GRIP1: variants seen among roughly 807,000 people sequenced by gnomAD.
GRIP1 encodes the protein glutamate receptor interacting protein 1.
A neutral mutation model predicts 129.9 loss-of-function variants in GRIP1; 45 were observed. The observed-to-expected ratio is 0.35, with a 90% CI of 0.27 to 0.44. The LOEUF is 0.44. GRIP1 is among the 20% of genes least tolerant of loss of function. The pLI is 1.00. For synonymous variants in GRIP1, 530 were observed against 520.8 expected, an observed-to-expected ratio of 1.02 and a Z score of -0.24; for missense variants, 1,196 against 1,396.8, an observed-to-expected ratio of 0.86 and a Z score of 2.29.
intron 1 of GRIP1, among the ~76,000 whole-genome samples, chr12:66,629,885 C>T (rs2030550323): frequency 6.6e-6 from 1 of 152,096 alleles, no homozygotes; most frequent in South Asian, 2.1e-4. Flanking sequence ...TTAAAAAGAC[C>T]CACAAGCCAG....
intron 1 of GRIP1, among the ~76,000 whole-genome samples, chr12:66,715,381 A>T (rs2035845493): frequency 6.6e-6 from 1 of 151,518 alleles, no homozygotes; most frequent in South Asian, 2.1e-4. Context: ...TTATTGGATG[A>T]ACAAATTCCT....
At chr12:66,843,581 C>A (rs900134508) in intron 1 of GRIP1, among the ~76,000 whole-genome samples, 4 of 152,000 alleles carry the variant, frequency 2.6e-5, no homozygotes, top group African/African-American at 4.8e-5. Flanking sequence ...CTACAGTAAT[C>A]AAAACAGTGC....
intron 13 of GRIP1, among the ~76,000 whole-genome samples, chr12:66,438,431 A>G (rs1342021475): frequency 2.0e-5 from 3 of 152,070 alleles, no homozygotes; most frequent in South Asian, 2.1e-4. Context: ...TGCAGTCTGA[A>G]GTTCCTGATC....
intron 20 of GRIP1, among the ~76,000 whole-genome samples, chr12:66,377,638 CTTTTT>C (rs3045282): frequency 2.4e-5 from 3 of 124,604 alleles, no homozygotes; most frequent in African/African-American, 9.4e-5. Context: ...CGCACCCGGC[CTTTTT>C]TTTTTTTTTT....
In GRIP1 at chr12:66,409,764, T is replaced by A. The variant is rs111458070; in HGVS notation, c.1839-3336A>T. Among the ~76,000 whole-genome samples the A allele has an allele frequency of 1.2e-4, 19 of 152,378 alleles. 1 individual carries two copies. Among genetic ancestry groups the A allele is most frequent in the African/African-American group, 4.3e-4 (18 of 41,594 alleles). ...TTTCATACAGAGAATTCTAAATTAC[T>A]GTTTTGAGTAAACAATAAAGTTTTG... is the stretch of plus-strand genomic sequence containing the variant. On this transcript the variant is annotated intron_variant, in intron 15 of 24. Transcript: ENST00000359742.
At chr12:67,002,688 T>C (rs1341936596) in intron 1 of GRIP1, among the ~76,000 whole-genome samples, 1 of 152,246 alleles carries the variant, frequency 6.6e-6, no homozygotes, top group Non-Finnish European at 1.5e-5. Flanking sequence ...AGTCATGCAA[T>C]CATTTCTAAG....
At chr12:66,350,749 C>A (rs1456627012) in intron 24 of GRIP1, among the ~76,000 whole-genome samples, 2 of 152,174 alleles carry the variant, frequency 1.3e-5, no homozygotes, top group African/African-American at 4.8e-5. Context: ...GCTGTCTTAT[C>A]TTACCTACCC....
intron 19 of GRIP1, among the ~76,000 whole-genome samples, chr12:66,388,750 A>G (rs1373827704): frequency 6.6e-6 from 1 of 152,188 alleles, no homozygotes; most frequent in Non-Finnish European, 1.5e-5. Flanking sequence ...AGGTTTCGTC[A>G]TTCCATTCTA....
intron 1 of GRIP1, among the ~76,000 whole-genome samples, chr12:66,873,320 T>C (rs2040328200): frequency 6.6e-6 from 1 of 152,084 alleles, no homozygotes; most frequent in Non-Finnish European, 1.5e-5. Context: ...AAAGTCACAC[T>C]GTAGAAGAGC....
intron 1 of GRIP1, among the ~76,000 whole-genome samples, chr12:66,609,376 G>A (rs2064689684): frequency 1.3e-5 from 2 of 152,068 alleles, no homozygotes; most frequent in South Asian, 4.1e-4. Context: ...GCAGACACTT[G>A]ACATACTTTT....
At position 66,678,545 on chromosome 12, in the gene GRIP1, C is replaced by T. The variant is rs138156508; in HGVS notation, c.55+305G>A. Among the ~76,000 whole-genome samples the T allele has an allele frequency of 1.9e-4, 29 of 151,860 alleles. No individual in the cohort carries two copies. The South Asian group carries it at 3.5e-3, about 19-fold the overall frequency. ...GCCAGTTAATCAGCATGCAAAATGA[C>T]GGTTTCCCACAATAACTTCAGCACC... On this transcript the variant is annotated intron_variant, in intron 1 of 24. Transcript: ENST00000359742.
At chr12:67,060,401 AT>A (rs1345891959) in intron 1 of GRIP1, among the ~76,000 whole-genome samples, 1 of 152,184 alleles carries the variant, frequency 6.6e-6, no homozygotes, top group Admixed American at 6.5e-5. Context: ...CATATAACTG[AT>A]TTTGGGGGTA....
At chr12:66,885,732 C>A (rs1451580046) in intron 1 of GRIP1, among the ~76,000 whole-genome samples, 1 of 152,126 alleles carries the variant, frequency 6.6e-6, no homozygotes, top group Non-Finnish European at 1.5e-5. Context: ...CTCAAGTCTG[C>A]ATAATCACCA....
chr12:66,824,908 T>G (rs534451172), intron 1 of GRIP1, among the ~76,000 whole-genome samples: 16 of 152,324 alleles, frequency 1.1e-4, no homozygotes, highest in African/African-American at 3.8e-4. Context: ...TTTCATTAGC[T>G]TAGTCTAAAA....
chr12:66,576,415 C>A (rs371740538), intron 2 of GRIP1, among the ~76,000 whole-genome samples: 3 of 152,180 alleles, frequency 2.0e-5, no homozygotes, highest in Admixed American at 6.5e-5. Flanking sequence ...AAATTTGAAG[C>A]TAATTCATTG....
chr12:66,522,638 C>G (rs918731299), intron 5 of GRIP1, among the ~76,000 whole-genome samples: 4 of 152,196 alleles, frequency 2.6e-5, no homozygotes, highest in Non-Finnish European at 5.9e-5. Context: ...CTCTCCTCTT[C>G]CAAAGGAACG....
intron 1 of GRIP1, among the ~76,000 whole-genome samples, chr12:66,989,443 TTC>T (rs2042362503): frequency 6.6e-6 from 1 of 152,144 alleles, no homozygotes; most frequent in Non-Finnish European, 1.5e-5. Flanking sequence ...GGCTGTACAA[TTC>T]TTCCCTAAGC....
chr12:66,501,822 G>A (rs1259649536), intron 7 of GRIP1, among the ~76,000 whole-genome samples: 2 of 152,138 alleles, frequency 1.3e-5, no homozygotes, highest in Admixed American at 6.5e-5. Context: ...CATTAATTTA[G>A]TAAATATCTC....
rs553223387 is a variant in GRIP1, at chr12:66,421,528, G to A, written c.1769-739C>T. The stretch of plus-strand genomic sequence containing the variant: ...CCACTGCACTCTAGCCTGGGCAACA[G>A]AGCAAAACTCCGTCTTGATCAATCA... On this transcript the variant is annotated intron_variant, in intron 14 of 24. Transcript: ENST00000359742. Among the ~76,000 whole-genome samples the A allele has an allele frequency of 2.2e-4, 33 of 152,212 alleles. No homozygotes were observed. In the South Asian group the frequency reaches 6.4e-3, roughly 30 times the overall value.
Sources: gnomAD v4.1 joint callset for allele counts (sites outside exome capture counted in the v4.1 genomes callset) on GRCh38, gnomAD v4.1.1 for gene constraint, MANE v1.5 for transcripts, NCBI Gene and HGNC (gene_info 2026-07-23, HGNC 2026-07-21) for gene names.